The following LTF variants were observed in gnomAD, a reference collection of about 807,000 sequenced individuals.
LTF encodes lactotransferrin.
Under a neutral mutation model 87.2 loss-of-function variants are expected in LTF, and 91 were observed. That is an observed-to-expected ratio of 1.04 (90% CI 0.88 to 1.24). The LOEUF is 1.24. Among genes scored for constraint, LTF ranks in the 50% most tolerant of loss-of-function variants. The probability of loss-of-function intolerance (pLI) is 0.00; values close to 1 mark genes in which losing one functional copy is unlikely to be tolerated. For synonymous variants in LTF, 378 were observed against 356.1 expected (o/e 1.06, Z -0.69); for missense variants, 901 against 904.3 (o/e 1.00, Z 0.05).
intron 14 of LTF, among the ~76,000 whole-genome samples, chr3:46,441,115 T>C (rs1310931076): frequency 2.0e-5 from 3 of 152,264 alleles, no homozygotes; most frequent in Admixed American, 2.0e-4. Context: ...TGTGGTTGAC[T>C]AGAGGAAGCC....
At chr3:46,437,353 C>T (rs1304717425) in intron 16 of LTF, among the ~76,000 whole-genome samples, 9 of 121,270 alleles carry the variant, frequency 7.4e-5, no homozygotes, top group South Asian at 5.1e-4. Context: ...AAGGGTCTTT[C>T]GGTGTCACCT....
At chr3:46,456,208 C>T in intron 3 of LTF, 82 bp downstream of exon 3, 1 of 1,228,630 alleles carries the variant, frequency 8.1e-7, no homozygotes, top group South Asian at 1.3e-5. Context: ...TCCACCTCCA[C>T]ATGTTCCCCC....
intron 9 of LTF, 44 bp from the exon 10 acceptor site, chr3:46,447,442 T>C: frequency 7.3e-7 from 1 of 1,365,830 alleles, no homozygotes; most frequent in Non-Finnish European, 1.0e-6. Context: ...TGAGGCTGCA[T>C]CCCGTCCTGC....
At chr3:46,475,261 G>T (rs753337194) in intron 1 of LTF, among the ~76,000 whole-genome samples, 5 of 150,862 alleles carry the variant, frequency 3.3e-5, no homozygotes, top group African/African-American at 5.0e-5. Context: ...TTAAGAAACA[G>T]AGCTCATGAT....
At chr3:46,480,677 G>A (rs910718614) in intron 1 of LTF, among the ~76,000 whole-genome samples, 16 of 152,114 alleles carry the variant, frequency 1.1e-4, no homozygotes, top group African/African-American at 2.9e-4. Flanking sequence ...GCACATTCAC[G>A]GGCCTCAAAA....
At chr3:46,449,315 G>T (rs921224709) in intron 8 of LTF, among the ~76,000 whole-genome samples, 1 of 152,136 alleles carries the variant, frequency 6.6e-6, no homozygotes, top group Non-Finnish European at 1.5e-5. Flanking sequence ...GAGGATAAAC[G>T]CTCCATGACC....
intron 8 of LTF, among the ~76,000 whole-genome samples, chr3:46,449,333 C>A (rs534325760): frequency 6.6e-6 from 1 of 152,320 alleles, no homozygotes; most frequent in South Asian, 2.1e-4. Context: ...ACCCAGAGAC[C>A]AGTGACAGTC....
At chr3:46,441,328 A>T in intron 14 of LTF, 88 bp downstream of exon 14, 2 of 1,036,460 alleles carry the variant, frequency 1.9e-6, no homozygotes, top group Non-Finnish European at 1.4e-6. Context: ...ATGTTATAAA[A>T]CCTTCCCAAA....
chr3:46,473,597 G>T (rs1382374668), intron 1 of LTF, among the ~76,000 whole-genome samples: 2 of 152,182 alleles, frequency 1.3e-5, no homozygotes, highest in Non-Finnish European at 2.9e-5. Flanking sequence ...GCTCCAGGGG[G>T]AATCCATTTC....
chr3:46,474,972 T>C (rs1216146492), intron 1 of LTF, among the ~76,000 whole-genome samples: 1 of 152,162 alleles, frequency 6.6e-6, no homozygotes, highest in East Asian at 1.9e-4. Context: ...AGAGGGAAAT[T>C]TGTAGCACCA....
chr3:46,480,196 A>G (rs1703415507), intron 1 of LTF, among the ~76,000 whole-genome samples: 1 of 152,124 alleles, frequency 6.6e-6, no homozygotes, highest in South Asian at 2.1e-4. Context: ...GAGGCCTTGA[A>G]CTTTATTTAA....
chr3:46,468,457 C>T (rs1306931105), upstream of LTF: 1 of 401,752 alleles, frequency 2.5e-6, no homozygotes, highest in African/African-American at 2.1e-5. Flanking sequence ...GTGAGGCTGA[C>T]TCCCTTCCCC....
intron 10 of LTF, among the ~76,000 whole-genome samples, chr3:46,446,934 A>G (rs1016569333): frequency 6.6e-6 from 1 of 152,204 alleles, no homozygotes; most frequent in Admixed American, 6.5e-5. Flanking sequence ...TTGCAGGAGT[A>G]AGGGGGCGGG....
chr3:46,444,922 C>G (rs1160141358), intron 12 of LTF, among the ~76,000 whole-genome samples: 1 of 152,230 alleles, frequency 6.6e-6, no homozygotes, highest in Non-Finnish European at 1.5e-5. Context: ...AGGCAGACAT[C>G]TTTCCCCAAG....
At chr3:46,438,938 C>T (rs562158171) in intron 15 of LTF, among the ~76,000 whole-genome samples, 30 of 152,166 alleles carry the variant, frequency 2.0e-4, no homozygotes, top group Admixed American at 1.4e-3. Context: ...GAAATGTCAC[C>T]TGAGTAAAAA....
upstream of LTF, among the ~76,000 whole-genome samples, chr3:46,465,503 A>G (rs1703191147): frequency 6.6e-6 from 1 of 152,158 alleles, no homozygotes; most frequent in Admixed American, 6.5e-5. Context: ...CAGAAAACAG[A>G]CAGGGACCTC....
chr3:46,464,999 G>T, upstream of LTF: 1 of 855,540 alleles, frequency 1.2e-6, no homozygotes, highest in Non-Finnish European at 1.9e-6. Flanking sequence ...CCCGCGGCCA[G>T]GTCTACTTGT....
At chr3:46,465,771 A>T (rs1287315438), upstream of LTF, among the ~76,000 whole-genome samples, 1 of 152,208 alleles carries the variant, frequency 6.6e-6, no homozygotes, top group Non-Finnish European at 1.5e-5. Flanking sequence ...ATACATTCCC[A>T]TGACACACAG....
At chr3:46,475,377 C>T (rs1399193319) in intron 1 of LTF, among the ~76,000 whole-genome samples, 2 of 152,294 alleles carry the variant, frequency 1.3e-5, no homozygotes, top group East Asian at 3.9e-4. Flanking sequence ...TCTTCCAAAA[C>T]CGAAAAGAGG....
Sources: allele counts gnomAD v4.1 joint callset (sites outside exome capture counted in the v4.1 genomes callset), GRCh38; gene constraint gnomAD v4.1.1; transcripts MANE v1.5; gene names NCBI Gene and HGNC (gene_info 2026-07-23, HGNC 2026-07-21).